DMD: variants seen among roughly 807,000 people sequenced by gnomAD.
DMD encodes the protein mutant dystrophin.
Under a neutral mutation model 330.1 loss-of-function variants are expected in DMD, and 63 were observed. The observed-to-expected ratio is 0.19, with a 90% CI of 0.16 to 0.24. The LOEUF is 0.24. DMD is among the 10% of genes least tolerant of loss of function. DMD has a pLI of 1.00. For synonymous variants in DMD, 1,223 were observed against 959.8 expected (o/e 1.27, Z -5.07); for missense variants, 3,344 against 2,684.1 (o/e 1.25, Z -5.43).
chrX:31,796,271 A>G (rs2091827860), intron 50 of DMD, among the ~76,000 whole-genome samples: 1 of 112,211 alleles, frequency 8.9e-6, no homozygotes, highest in African/African-American at 3.2e-5. Context: ...TGCAGTGCTA[A>G]ATAAGAGATA....
intron 18 of DMD, among the ~76,000 whole-genome samples, chrX:32,508,260 C>A (rs2148732319): frequency 9.0e-6 from 1 of 111,283 alleles, no homozygotes; most frequent in African/African-American, 3.3e-5. Flanking sequence ...TGTCAATGTT[C>A]AGACGATATC....
rs147488922 is a variant in DMD at position 31,567,600 on chromosome X, A to T, written c.8217+60073T>A. Among the ~76,000 whole-genome samples the T allele has an allele frequency of 8.1e-5, 9 of 111,519 alleles. No individual in the cohort carries two copies. In the East Asian group the frequency reaches 2.5e-3, roughly 31 times the overall value. Reference sequence around the variant, plus strand: ...ACACTCTTTTTTTAAACTTTGACGCATGTTATTTAATATTTTGTTGATGGT... The same window carrying T: ...ACACTCTTTTTTTAAACTTTGACGCTTGTTATTTAATATTTTGTTGATGGT... On this transcript the variant is annotated intron_variant, in intron 55 of 78. Coordinates refer to ENST00000357033, the MANE Select transcript of DMD (RefSeq NM_004006.3).
rs1320080639 is a variant in DMD at position 31,186,266 on chromosome X, G to T, written c.9808-3362C>A. 6.3e-5 allele frequency among the ~76,000 whole-genome samples: 7 copies of T among 111,932 alleles called. 1 individual carries two copies. Among genetic ancestry groups the T allele is most frequent in the African/African-American group, 2.3e-4 (7 of 30,822 alleles). ...GAATCAATCTAAATGCCCACCAATGGAAGACTGAATAAAGAAAACGTGGTA... is the reference window on the plus strand; with the variant it reads ...GAATCAATCTAAATGCCCACCAATGTAAGACTGAATAAAGAAAACGTGGTA... On this transcript the variant is annotated intron_variant, in intron 67 of 78. Transcript: ENST00000357033.
chrX:31,974,806 A>G (rs956866954), intron 44 of DMD, among the ~76,000 whole-genome samples: 7 of 110,929 alleles, frequency 6.3e-5, no homozygotes, highest in African/African-American at 2.3e-4. Context: ...AAGGAAAATT[A>G]TGTACAGTAG....
chrX:32,205,043 CCACACACA>C (rs201384394), intron 44 of DMD, among the ~76,000 whole-genome samples: 1 of 33,498 alleles, frequency 3.0e-5, no homozygotes, highest in African/African-American at 7.9e-5. Context: ...ACACACACAC[CCACACACA>C]CACAGTCGCA....
intron 7 of DMD, among the ~76,000 whole-genome samples, chrX:32,747,540 G>C (rs1253697705): frequency 8.9e-6 from 1 of 112,185 alleles, no homozygotes; most frequent in African/African-American, 3.2e-5. Context: ...GAGTGCAGTG[G>C]CATGATCATG....
At chrX:31,490,182 A>C (rs991381713) in intron 57 of DMD, among the ~76,000 whole-genome samples, 8 of 112,283 alleles carry the variant, frequency 7.1e-5, no homozygotes, top group Admixed American at 3.8e-4. Context: ...ATTTCCTCCA[A>C]CGCGGCTAAA....
At chrX:32,524,768 C>A (rs1319815516) in intron 17 of DMD, among the ~76,000 whole-genome samples, 1 of 112,217 alleles carries the variant, frequency 8.9e-6, no homozygotes, top group Non-Finnish European at 1.9e-5. Context: ...TTTCCTCATT[C>A]AATTTTTTGT....
chrX:32,904,006 T>C (rs996992200), intron 2 of DMD, among the ~76,000 whole-genome samples: 2 of 111,859 alleles, frequency 1.8e-5, no homozygotes, highest in Non-Finnish European at 3.8e-5. Flanking sequence ...TAATAATAGC[T>C]GCACCACAGA....
intron 1 of DMD, among the ~76,000 whole-genome samples, chrX:33,109,135 A>G (rs2095319302): frequency 9.1e-6 from 1 of 110,291 alleles, no homozygotes; most frequent in African/African-American, 3.3e-5. Context: ...ACTTTTTAAT[A>G]TATACTCATG....
At position 32,312,942 on chromosome X, in the gene DMD, C is replaced by CAAAAAAAAAAAAAAAAAAAAAA. The variant is rs767993498; in HGVS notation, c.5923-2688_5923-2667dup. 7.8e-4 allele frequency among the ~76,000 whole-genome samples: 16 copies of CAAAAAAAAAAAAAAAAAAAAAA among 20,404 alleles called. 4 individuals carry two copies. The highest frequency in any genetic ancestry group is 0.016 in the South Asian group (2 of 126). 17.7% of individuals were successfully genotyped at this position (20,404 alleles called of 115,157 possible). On this transcript the variant is annotated intron_variant, in intron 41 of 78. Coordinates refer to ENST00000357033, the MANE Select transcript of DMD (RefSeq NM_004006.3). ...ATTGAGGCAGTAATAGCCTACGAAC[C>CAAAAAAAAAAAAAAAAAAAAAA]AAAAAAAAAAAAAAAAAAAAAAGCC...
chrX:32,354,304 T>C (rs2097791476), intron 37 of DMD, among the ~76,000 whole-genome samples: 1 of 111,683 alleles, frequency 9.0e-6, no homozygotes, highest in South Asian at 3.7e-4. Flanking sequence ...CCTTTTTCCA[T>C]TCTGCAGCTT....
intron 63 of DMD, among the ~76,000 whole-genome samples, chrX:31,233,123 C>A (rs1003325667): frequency 9.0e-6 from 1 of 111,618 alleles, no homozygotes; most frequent in Admixed American, 9.5e-5. Flanking sequence ...TCTTGACAGG[C>A]GACTTACAGT....
chrX:33,116,733 T>G (rs1299338036), intron 1 of DMD, among the ~76,000 whole-genome samples: 4 of 111,298 alleles, frequency 3.6e-5, no homozygotes, highest in African/African-American at 1.3e-4. Context: ...TTGAATTGAA[T>G]TTTTGAAGAT....
At chrX:31,893,996 C>A (rs2094295839) in intron 47 of DMD, among the ~76,000 whole-genome samples, 1 of 111,449 alleles carries the variant, frequency 9.0e-6, no homozygotes, top group African/African-American at 3.3e-5. Context: ...TTCAAGAAGA[C>A]AAAGACTGTG....
At chrX:32,895,979 A>G (rs1404739965) in intron 2 of DMD, among the ~76,000 whole-genome samples, 1 of 111,089 alleles carries the variant, frequency 9.0e-6, no homozygotes, top group African/African-American at 3.3e-5. Flanking sequence ...ACTGGGAACT[A>G]GTAATGCTTA....
chrX:31,935,785 C>T (rs1282718465), intron 45 of DMD, among the ~76,000 whole-genome samples: 3 of 110,396 alleles, frequency 2.7e-5, no homozygotes, highest in Non-Finnish European at 5.7e-5. Flanking sequence ...ACCCCAAACC[C>T]CCCAAACAAA....
chrX:31,983,694 T>C (rs986047517), intron 44 of DMD, among the ~76,000 whole-genome samples: 1 of 112,009 alleles, frequency 8.9e-6, no homozygotes, highest in South Asian at 3.7e-4. Flanking sequence ...GTTGATTTTG[T>C]CAGACAGATA....
chrX:31,163,450 G>A (rs987005445), intron 74 of DMD, among the ~76,000 whole-genome samples: 3 of 111,368 alleles, frequency 2.7e-5, no homozygotes, highest in Non-Finnish European at 3.8e-5. Context: ...AAATTGCCCC[G>A]TATGAAAATG....
Sources: gnomAD v4.1 joint callset for allele counts (sites outside exome capture counted in the v4.1 genomes callset) on GRCh38, gnomAD v4.1.1 for gene constraint, MANE v1.5 for transcripts, NCBI Gene and HGNC (gene_info 2026-07-23, HGNC 2026-07-21) for gene names.